Variants in PLCH1 observed in about 807,000 individuals in gnomAD.
The protein encoded by PLCH1 is 1-phosphatidylinositol 4,5-bisphosphate phosphodiesterase eta-1.
PLCH1 carries 60 observed loss-of-function variants against 126.7 expected under a neutral mutation model. That is an observed-to-expected ratio of 0.47 (90% CI 0.38 to 0.59). The LOEUF is 0.59. Among genes scored for constraint, PLCH1 ranks in the 20% least tolerant of loss-of-function variants. The pLI, the probability that PLCH1 is intolerant of heterozygous loss-of-function variation, is 0.00. For missense variants in PLCH1, 1,723 were observed against 2,040.0 expected, an observed-to-expected ratio of 0.84 and a Z score of 2.99; for synonymous variants, 719 against 734.9, an observed-to-expected ratio of 0.98 and a Z score of 0.35.
intron 3 of PLCH1, among the ~76,000 whole-genome samples, chr3:155,594,590 G>A (rs1028601716): frequency 2.0e-5 from 3 of 151,970 alleles, no homozygotes; most frequent in African/African-American, 7.3e-5. Flanking sequence ...AAATAAATAA[G>A]TAAGTATGAA....
At chr3:155,523,102 G>A (rs193160565) in intron 11 of PLCH1, among the ~76,000 whole-genome samples, 3 of 152,194 alleles carry the variant, frequency 2.0e-5, no homozygotes, top group East Asian at 3.9e-4. Context: ...AGCCTCCGGA[G>A]TAGCTAGGAC....
At chr3:155,486,148 T>C in intron 21 of PLCH1, 2 of 1,537,310 alleles carry the variant, frequency 1.3e-6, no homozygotes, top group Non-Finnish European at 1.8e-6. Context: ...AGAAACTACC[T>C]TTGTAGCTCC....
At chr3:155,468,207 G>C (rs1454653322) in intron 21 of PLCH1, among the ~76,000 whole-genome samples, 2 of 152,166 alleles carry the variant, frequency 1.3e-5, no homozygotes, top group Non-Finnish European at 2.9e-5. Flanking sequence ...TTATAAGATA[G>C]TATTTGCAAG....
intron 2 of PLCH1, among the ~76,000 whole-genome samples, chr3:155,698,206 C>T (rs1455454836): frequency 6.6e-6 from 1 of 152,074 alleles, no homozygotes; most frequent in African/African-American, 2.4e-5. Flanking sequence ...GTTGAGAATG[C>T]TCAATAAACC....
At position 155,454,838 on chromosome 3, in the gene PLCH1, C is replaced by T. The variant is rs73873202; in HGVS notation, c.2938+30518G>A. On this transcript the variant is annotated intron_variant, in intron 21 of 21. Transcript: ENST00000494598. ...CTGCTATACCTACAAGGTAACTCGA[C>T]ATTTTGTTATCAACAGAGTAGGCCC... Among the ~76,000 whole-genome samples the T allele has an allele frequency of 7.5e-3, 1,149 of 152,270 alleles. 13 individuals carry two copies. The highest frequency in any genetic ancestry group is 0.026 in the African/African-American group (1,080 of 41,548).
At chr3:155,575,443 G>A (rs359555) in intron 6 of PLCH1, among the ~76,000 whole-genome samples, 74,919 of 151,934 alleles carry the variant, frequency 0.49, 21,520 homozygotes, top group Non-Finnish European at 0.65. Flanking sequence ...GGGGCTAAAG[G>A]TGCAATTTTC....
At chr3:155,644,495 C>T (rs1028062370) in intron 2 of PLCH1, among the ~76,000 whole-genome samples, 11 of 151,904 alleles carry the variant, frequency 7.2e-5, no homozygotes, top group South Asian at 4.2e-4. Flanking sequence ...CCCAACTACT[C>T]GGGAGGCTAA....
chr3:155,710,834 CAAA>C (rs35396005), intron 1 of PLCH1, among the ~76,000 whole-genome samples: 1 of 104,424 alleles, frequency 9.6e-6, no homozygotes, highest in Non-Finnish European at 2.1e-5. Context: ...AACTCTGTCT[CAAA>C]AAAAAAAAAA....
chr3:155,506,193 T>G (rs947633040), intron 12 of PLCH1, among the ~76,000 whole-genome samples: 1 of 152,012 alleles, frequency 6.6e-6, no homozygotes, highest in Non-Finnish European at 1.5e-5. Flanking sequence ...AAATTCCAAT[T>G]TTACAGAAAA....
At chr3:155,737,971 A>T (rs1749321192) in intron 1 of PLCH1, among the ~76,000 whole-genome samples, 1 of 152,180 alleles carries the variant, frequency 6.6e-6, no homozygotes, top group Admixed American at 6.5e-5. Flanking sequence ...CAGATGAAAG[A>T]GAAACCTTGA....
intron 2 of PLCH1, among the ~76,000 whole-genome samples, chr3:155,629,445 C>G (rs1297397508): frequency 6.6e-6 from 1 of 152,230 alleles, no homozygotes; most frequent in African/African-American, 2.4e-5. Flanking sequence ...CTGAAGATGA[C>G]AAGCATTAAT....
In PLCH1 at chr3:155,667,927, A is replaced by AAG. The variant is rs397960724; in HGVS notation, c.79+36218_79+36219insCT. On this transcript the variant is annotated intron_variant, in intron 2 of 22. Transcript: ENST00000460012. The stretch of plus-strand genomic sequence containing the variant: ...TTAAAAAAAAAAAAAAAAAAAAAAA[A>AAG]TACAAAAATTAGCCAGGAGTGGTGG... 4.7e-3 allele frequency among the ~76,000 whole-genome samples: 685 copies of AAG among 145,624 alleles called. 5 individuals are homozygous for AAG. Among genetic ancestry groups the AAG allele is most frequent in the African/African-American group, 0.017 (648 of 38,172 alleles).
At chr3:155,466,254 A>AC (rs745348730) in intron 21 of PLCH1, among the ~76,000 whole-genome samples, 22 of 152,128 alleles carry the variant, frequency 1.4e-4, no homozygotes, top group Admixed American at 2.6e-4. Flanking sequence ...GGTGGTCTTC[A>AC]CCCCCAGGTT....
intron 2 of PLCH1, among the ~76,000 whole-genome samples, chr3:155,645,394 G>C (rs987844639): frequency 6.6e-6 from 1 of 152,032 alleles, no homozygotes; most frequent in Non-Finnish European, 1.5e-5. Context: ...CTTTTTATAG[G>C]TACCTGGGAT....
rs777117922 is a variant in PLCH1 at position 155,492,710 on chromosome 3, G to T, written c.2307+19C>A. On this transcript the variant is annotated intron_variant, in intron 18 of 22. Coordinates refer to ENST00000460012, the MANE Select transcript of PLCH1 (RefSeq NM_014996.4). ...ATCACATAATTAACCACTTAGACACGTAGTCATAGGCAACTTACCTCGCCT... is the reference window on the plus strand; with the variant it reads ...ATCACATAATTAACCACTTAGACACTTAGTCATAGGCAACTTACCTCGCCT... 1.9e-6 allele frequency: 3 copies of T among 1,542,722 alleles called. No individual in the cohort carries two copies. In the African/African-American group the frequency reaches 4.2e-5, roughly 22 times the overall value.
intron 2 of PLCH1, among the ~76,000 whole-genome samples, chr3:155,625,187 C>T (rs1298051125): frequency 1.3e-5 from 2 of 152,164 alleles, no homozygotes; most frequent in African/African-American, 4.8e-5. Context: ...ATTGGCTAGC[C>T]ATAAGCAGAA....
intron 1 of PLCH1, among the ~76,000 whole-genome samples, chr3:155,726,429 A>C (rs1168949468): frequency 6.6e-6 from 1 of 152,068 alleles, no homozygotes; most frequent in African/African-American, 2.4e-5. Flanking sequence ...CTATTGTTAC[A>C]TTGTCAGGAT....
chr3:155,649,056 CT>C (rs1740382121), intron 2 of PLCH1, among the ~76,000 whole-genome samples: 1 of 152,056 alleles, frequency 6.6e-6, no homozygotes, highest in Non-Finnish European at 1.5e-5. Context: ...TGAGGCTGGC[CT>C]TTTCTAAAAG....
Position 155,589,016 on chromosome 3 carries a change from A to C in PLCH1, c.471-2822T>G, listed in dbSNP as rs550745363. Among the ~76,000 whole-genome samples the C allele has an allele frequency of 3.9e-5, 6 of 152,318 alleles. No homozygotes were observed. In the East Asian group the frequency reaches 1.2e-3, roughly 29 times the overall value. The stretch of plus-strand genomic sequence containing the variant: ...ATAATTAAGATATGAGTGTCCAATA[A>C]AGCCCTGAATTAATAATTTATAGCC... On this transcript the variant is annotated intron_variant, in intron 4 of 22. Coordinates refer to ENST00000460012, the MANE Select transcript of PLCH1 (RefSeq NM_014996.4).
Sources: gnomAD v4.1 joint callset for allele counts (sites outside exome capture counted in the v4.1 genomes callset) on GRCh38, gnomAD v4.1.1 for gene constraint, MANE v1.5 for transcripts, NCBI Gene and HGNC (gene_info 2026-07-23, HGNC 2026-07-21) for gene names.